The following ZDHHC24 variants were observed in gnomAD, a reference collection of about 807,000 sequenced individuals.
ZDHHC24 encodes zDHHC palmitoyltransferase 24.
Under a neutral mutation model 23.2 loss-of-function variants are expected in ZDHHC24, and 17 were observed. The observed-to-expected ratio is 0.73, with a 90% CI of 0.50 to 1.10. ZDHHC24 has a LOEUF of 1.10. ZDHHC24 is among the 50% of genes least tolerant of loss of function. ZDHHC24 has a pLI of 0.00. For missense variants in ZDHHC24, 366 were observed against 393.0 expected (o/e 0.93, Z 0.58); for synonymous variants, 186 against 194.5 (o/e 0.96, Z 0.36).
rs1297857642 is a variant in ZDHHC24, at chr11:66,543,921, G to A, written c.342C>T (p.Arg114=). The change falls in exon 2 of 3, where the codon CGC becomes CGT. Residue 114 remains arginine, a synonymous_variant. Coordinates refer to ENST00000310442, the MANE Select transcript of ZDHHC24 (RefSeq NM_207340.3). ...GGTGGTCCCGACGCAGGATGCAGAC[G>A]CGGCAGGCAGAGCAGTGTCCGCTGC... ...PPRSGHCSAC[R]VCILRRDHHC... 2.2e-5 allele frequency: 36 copies of A among 1,613,854 alleles called. No homozygotes were observed. In the East Asian group the frequency reaches 6.7e-4, roughly 30 times the overall value.
In ZDHHC24 at chr11:66,536,805, C is replaced by A. The variant is rs1028551777; in HGVS notation, c.*2724G>T. ...AGGAGAATCGCTTGAACCCGGGAGG[C>A]GGAGGTTTCGGTGAACCAAGATCGC... On this transcript the variant is annotated 3_prime_UTR_variant, in exon 3 of 3. Transcript: ENST00000310442. The A allele has an allele frequency of 6.6e-6, 1 of 151,222 alleles. No individual in the cohort carries two copies. 9.4% of individuals were successfully genotyped at this position (151,222 alleles called of 1,614,324 possible). A position where few individuals can be genotyped will look rare whatever the true frequency, so the allele number is the denominator to read the frequency against.
At chr11:66,526,133 C>T in intron 4 of ZDHHC24, 2 of 1,614,232 alleles carry the variant, frequency 1.2e-6, no homozygotes, top group Non-Finnish European at 1.7e-6. Flanking sequence ...GATGCAGTGA[C>T]CAGCCTTTGC....
downstream of ZDHHC24, chr11:66,530,990 A>C: frequency 1.2e-6 from 2 of 1,614,150 alleles, no homozygotes. Flanking sequence ...CTTCCTGTAC[A>C]ACGAGGCGCT....
At chr11:66,531,647 C>T (rs1181236498), downstream of ZDHHC24, 1 of 1,614,082 alleles carries the variant, frequency 6.2e-7, no homozygotes, top group East Asian at 2.2e-5. Flanking sequence ...TCTTTGTCCC[C>T]AAACTTAGGT....
rs1857068139 is a variant in ZDHHC24 at position 66,539,096 on chromosome 11, G to C, written c.*433C>G. 1 of 267,812 alleles carries C rather than the reference G, an allele frequency of 3.7e-6. No individual in the cohort carries two copies. The allele number at this position is 267,812 out of a possible 1,614,324, so 16.6% of individuals were successfully genotyped here. On this transcript the variant is annotated 3_prime_UTR_variant, in exon 3 of 3. Transcript: ENST00000310442. ...CCTGGATCAGTAGGACACTGCCTTG[G>C]CGTGCTGGTGCCCCACCCCCAACTC...
chr11:66,539,441 A>G lies in ZDHHC24; in HGVS notation c.*88T>C. The G allele has an allele frequency of 2.8e-6, 4 of 1,427,240 alleles. No individual in the cohort carries two copies. The highest frequency in any genetic ancestry group is 1.8e-6 in the Non-Finnish European group (2 of 1,092,258). The allele number at this position is 1,427,240 out of a possible 1,614,324, so 88.4% of individuals were successfully genotyped here. ...GTGGAGTTGTCCAATGCAGATGTTAAGGTCCAACCCGACTTCCTTACTGAG... is the reference window on the plus strand; with the variant it reads ...GTGGAGTTGTCCAATGCAGATGTTAGGGTCCAACCCGACTTCCTTACTGAG... On this transcript the variant is annotated 3_prime_UTR_variant, in exon 3 of 3. Transcript: ENST00000310442.
intron 3 of ZDHHC24, chr11:66,529,247 CG>C (rs1200530175): frequency 5.6e-5 from 85 of 1,513,210 alleles, no homozygotes; most frequent in Admixed American, 4.8e-4. Context: ...ATCCTGCAAA[CG>C]GTGAGATGTG....
chr11:66,539,914 T>G, intron 2 of ZDHHC24, 90 bp from the exon 3 acceptor site: 1 of 1,287,928 alleles, frequency 7.8e-7, no homozygotes, highest in Non-Finnish European at 1.0e-6. Flanking sequence ...GCAGGGCTCA[T>G]TCCTCCGCTC....
intron 4 of ZDHHC24, chr11:66,521,592 A>C (rs922518826): frequency 3.4e-6 from 2 of 586,136 alleles, no homozygotes; most frequent in Non-Finnish European, 6.2e-6. Context: ...CTGGGTGGCT[A>C]TAGTACAGGA....
chr11:66,526,518 A>T, intron 4 of ZDHHC24: 1 of 1,160,056 alleles, frequency 8.6e-7, no homozygotes, highest in Non-Finnish European at 1.3e-6. Context: ...TTACTTCCAG[A>T]AACAGTCTCG....
At chr11:66,529,540 G>T in intron 2 of ZDHHC24, 1 of 709,474 alleles carries the variant, frequency 1.4e-6, no homozygotes, top group Non-Finnish European at 2.5e-6. Context: ...AGACTCAGGA[G>T]AACACCAGCC....
At chr11:66,520,925 G>T (rs752097615), downstream of ZDHHC24, 8 of 359,740 alleles carry the variant, frequency 2.2e-5, no homozygotes, top group Non-Finnish European at 4.3e-5. Context: ...TGCCATGTTG[G>T]ACAGGCTGGT....
At chr11:66,525,938 C>T (rs1184697188) in intron 4 of ZDHHC24, among the ~76,000 whole-genome samples, 2 of 152,098 alleles carry the variant, frequency 1.3e-5, no homozygotes, top group Non-Finnish European at 2.9e-5. Context: ...GATATTTGGT[C>T]TGGAACTGAG....
intron 4 of ZDHHC24, among the ~76,000 whole-genome samples, chr11:66,525,125 G>A (rs1261227140): frequency 1.3e-5 from 2 of 151,914 alleles, no homozygotes; most frequent in African/African-American, 2.4e-5. Context: ...GCGTGAACCT[G>A]GGAGGTGGAG....
chr11:66,545,984 G>A lies in ZDHHC24; in HGVS notation c.20C>T (p.Ala7Val), dbSNP rs1383146736. The change falls in exon 1 of 3, where the codon GCT becomes GTT. Residue 7 changes from alanine (A) to valine (V), a missense_variant. Physicochemically the swap from Ala to Val is moderately conservative, Grantham distance 64 (BLOSUM62 0). Coordinates refer to ENST00000310442, the MANE Select transcript of ZDHHC24 (RefSeq NM_207340.3). This position sits in a 1 kb window ranked among gnomAD's most constrained non-coding sequence, Gnocchi z 4.5. ...CGCGGGCGCCCCGTCCGTGCTCCCAGCCGCCCAGGGCTGCCCCATGGCCTG... is the reference window on the plus strand; with the variant it reads ...CGCGGGCGCCCCGTCCGTGCTCCCAACCGCCCAGGGCTGCCCCATGGCCTG... The part of the protein sequence containing the change: MGQPWA[A>V]GSTDGAPAQL... The A allele has an allele frequency of 7.1e-7, 1 of 1,412,792 alleles. No individual in the cohort carries two copies. The highest frequency in any genetic ancestry group is 1.6e-5 in the South Asian group (1 of 64,156). 87.5% of individuals were successfully genotyped at this position (1,412,792 alleles called of 1,614,324 possible).
intron 3 of ZDHHC24, among the ~76,000 whole-genome samples, chr11:66,527,221 G>A (rs377682915): frequency 1.4e-5 from 2 of 143,364 alleles, no homozygotes; most frequent in Non-Finnish European, 3.0e-5. Flanking sequence ...AAAAAAAAAA[G>A]AGAGAGAGAG....
rs1857024770 is a variant in ZDHHC24, at chr11:66,537,922, G to C, written c.*1607C>G. ...CAGCCTGGCAACAGAACAAGAGTCT[G>C]TCTCAAATAAAATAAAATAAAATAA... On this transcript the variant is annotated 3_prime_UTR_variant, in exon 3 of 3. Transcript: ENST00000310442. The C allele has an allele frequency of 8.4e-6, 1 of 118,882 alleles. No homozygotes were observed. Among genetic ancestry groups the C allele is most frequent in the Non-Finnish European group, 1.8e-5 (1 of 56,812 alleles). 7.4% of individuals were successfully genotyped at this position (118,882 alleles called of 1,614,324 possible).
chr11:66,543,231 G>A (rs1032121001), intron 2 of ZDHHC24, among the ~76,000 whole-genome samples: 1 of 151,980 alleles, frequency 6.6e-6, no homozygotes, highest in African/African-American at 2.4e-5. Context: ...CCATAACTGG[G>A]CCTTCTCCTG....
In ZDHHC24 at chr11:66,539,205, A is replaced by G. The variant is rs1049845667; in HGVS notation, c.*324T>C. On this transcript the variant is annotated 3_prime_UTR_variant, in exon 3 of 3. Transcript: ENST00000310442. Reference sequence around the variant, plus strand: ...CCAGGCCCTACAGAGGGTCCCAGAAACAGCCCCAGCAACAAAGTGAGGGGC... The same window carrying G: ...CCAGGCCCTACAGAGGGTCCCAGAAGCAGCCCCAGCAACAAAGTGAGGGGC... 3 of 1,057,168 alleles carry G rather than the reference A, an allele frequency of 2.8e-6. No individual in the cohort carries two copies. Among genetic ancestry groups the G allele is most frequent in the Non-Finnish European group, 3.4e-6 (3 of 876,912 alleles). The allele number at this position is 1,057,168 out of a possible 1,614,324, so 65.5% of individuals were successfully genotyped here.
Sources: allele counts gnomAD v4.1 joint callset (sites outside exome capture counted in the v4.1 genomes callset), GRCh38; gene constraint gnomAD v4.1.1; non-coding constraint Gnocchi (gnomAD v3.1); transcripts MANE v1.5; gene names NCBI Gene and HGNC (gene_info 2026-07-23, HGNC 2026-07-21).